PACRG: variants seen among roughly 807,000 people sequenced by gnomAD.
PACRG encodes parkin coregulated gene protein.
Under a neutral mutation model 29.7 loss-of-function variants are expected in PACRG, and 29 were observed. The ratio of observed to expected loss-of-function variants is 0.98; its 90% confidence interval spans 0.73 to 1.33. PACRG has a LOEUF of 1.33. Among genes scored for constraint, PACRG ranks in the 40% most tolerant of loss-of-function variants. PACRG has a pLI of 0.00. For synonymous variants in PACRG, 116 were observed against 118.7 expected (o/e 0.98, Z 0.15); for missense variants, 279 against 316.2 (o/e 0.88, Z 0.89).
At chr6:162,781,621 GC>G (rs1784097199) in intron 1 of PACRG, among the ~76,000 whole-genome samples, 2 of 151,630 alleles carry the variant, frequency 1.3e-5, no homozygotes, top group South Asian at 4.1e-4. Flanking sequence ...TAGCATAAAG[GC>G]CTGAAGGAAA....
intron 2 of PACRG, among the ~76,000 whole-genome samples, chr6:163,029,520 T>C (rs780224275): frequency 2.6e-5 from 4 of 152,174 alleles, no homozygotes; most frequent in Non-Finnish European, 5.9e-5. Flanking sequence ...GATAGTGTTG[T>C]GCTAAACAAA....
intron 2 of PACRG, among the ~76,000 whole-genome samples, chr6:163,022,040 C>T (rs1354470305): frequency 4.6e-5 from 7 of 152,176 alleles, no homozygotes; most frequent in Admixed American, 1.3e-4. Flanking sequence ...AGGCAGTCTC[C>T]GAAGCTGCCA....
intron 4 of PACRG, among the ~76,000 whole-genome samples, chr6:163,314,463 A>G (rs1466733520): frequency 7.2e-5 from 11 of 152,322 alleles, no homozygotes; most frequent in East Asian, 1.9e-4. Context: ...CTGATCTCAC[A>G]ATAGACTGTT....
chr6:162,736,763 T>C (rs549654285), intron 1 of PACRG, among the ~76,000 whole-genome samples: 143 of 152,112 alleles, frequency 9.4e-4, no homozygotes, highest in African/African-American at 3.3e-3. Context: ...ATAGAGTGTA[T>C]ATACCTACCT....
chr6:163,180,735 A>G (rs1779614419), intron 4 of PACRG, among the ~76,000 whole-genome samples: 1 of 152,190 alleles, frequency 6.6e-6, no homozygotes, highest in African/African-American at 2.4e-5. Context: ...TTGGTTCTTC[A>G]AACATGTAGA....
At chr6:163,072,586 T>C (rs1444757628) in intron 3 of PACRG, among the ~76,000 whole-genome samples, 2 of 152,066 alleles carry the variant, frequency 1.3e-5, no homozygotes, top group Admixed American at 6.5e-5. Context: ...TTATTCAACG[T>C]AGTACTGGAA....
intron 2 of PACRG, among the ~76,000 whole-genome samples, chr6:162,901,284 T>A (rs542086056): frequency 2.4e-4 from 37 of 152,322 alleles, no homozygotes; most frequent in Admixed American, 1.4e-3. Context: ...TTCAAAGATG[T>A]AATAGCCTTT....
chr6:162,775,325 C>T lies in PACRG; in HGVS notation c.157-38822C>T, dbSNP rs182424154. On this transcript the variant is annotated intron_variant, in intron 1 of 4. Coordinates refer to ENST00000366888, the MANE Select transcript of PACRG (RefSeq NM_001080379.2). ...TTATGACAGCCTAAACAGATTAAGA[C>T]CCTAATCAAGAGTCTACATTTGACC... 3.7e-4 allele frequency among the ~76,000 whole-genome samples: 57 copies of T among 152,286 alleles called. No individual in the cohort carries two copies. In the East Asian group the frequency reaches 9.1e-3, roughly 24 times the overall value.
chr6:163,149,948 C>T (rs765353944), intron 4 of PACRG, among the ~76,000 whole-genome samples: 3 of 152,244 alleles, frequency 2.0e-5, no homozygotes, highest in African/African-American at 7.2e-5. Flanking sequence ...ACTCCCCACT[C>T]TCCGTAGTTC....
chr6:163,077,864 T>C (rs1348288351), intron 3 of PACRG, among the ~76,000 whole-genome samples: 1 of 152,162 alleles, frequency 6.6e-6, no homozygotes, highest in Non-Finnish European at 1.5e-5. Flanking sequence ...GGCCTCGCCC[T>C]GTATGAACAG....
chr6:163,198,986 C>T (rs1186046147), intron 4 of PACRG, among the ~76,000 whole-genome samples: 1 of 152,164 alleles, frequency 6.6e-6, no homozygotes, highest in Non-Finnish European at 1.5e-5. Flanking sequence ...TGAAAGGTTA[C>T]ATTCTTCTGA....
In PACRG at chr6:163,058,886, C is replaced by T. The variant is rs181527130; in HGVS notation, c.292-3264C>T. On this transcript the variant is annotated intron_variant, in intron 2 of 4. Transcript: ENST00000366888. ...CTGCACTCCAGCCTGGGCGACAGAG[C>T]GAGACTCCGTCTCAAAAAACAAACA... Among the ~76,000 whole-genome samples the T allele has an allele frequency of 2.8e-4, 41 of 146,872 alleles. No individual in the cohort carries two copies. In the East Asian group the frequency reaches 3.8e-3, roughly 14 times the overall value.
At position 162,846,929 on chromosome 6, in the gene PACRG, G is replaced by A. The variant is rs143653983; in HGVS notation, c.291+32648G>A. Among the ~76,000 whole-genome samples the A allele has an allele frequency of 1.2e-3, 182 of 147,308 alleles. 5 individuals carry two copies. In the East Asian group the frequency reaches 0.033, roughly 27 times the overall value. On this transcript the variant is annotated intron_variant, in intron 2 of 4. Coordinates refer to ENST00000366888, the MANE Select transcript of PACRG (RefSeq NM_001080379.2). The stretch of plus-strand genomic sequence containing the variant: ...CACTGTCCACTGTGCTCCCCACATT[G>A]CTGTGCTCCCCACACTGACTGCCGT...
Position 163,257,927 on chromosome 6 carries a change from G to A in PACRG, c.614-56900G>A, listed in dbSNP as rs1038260287. On this transcript the variant is annotated intron_variant, in intron 4 of 4. Transcript: ENST00000366888. The stretch of plus-strand genomic sequence containing the variant: ...CTTATTTTAGATCTAGTACTTTATT[G>A]AATCATTTTATTAAATATTATTATT... 2.0e-5 allele frequency among the ~76,000 whole-genome samples: 3 copies of A among 152,000 alleles called. No homozygotes were observed. The East Asian group carries it at 5.8e-4, about 29-fold the overall frequency.
chr6:163,078,755 G>A (rs958721848), intron 3 of PACRG, among the ~76,000 whole-genome samples: 33 of 152,068 alleles, frequency 2.2e-4, no homozygotes, highest in Admixed American at 5.9e-4. Context: ...TAGCACTACC[G>A]CAGTGCCTCC....
At chr6:162,805,751 C>G (rs571554923) in intron 1 of PACRG, among the ~76,000 whole-genome samples, 1 of 152,272 alleles carries the variant, frequency 6.6e-6, no homozygotes, top group South Asian at 2.1e-4. Context: ...GATTCTGCCT[C>G]AAGAAACTAC....
At chr6:162,820,568 A>T (rs952694410) in intron 2 of PACRG, among the ~76,000 whole-genome samples, 15 of 152,202 alleles carry the variant, frequency 9.9e-5, no homozygotes, top group African/African-American at 3.6e-4. Context: ...CAGAATATTC[A>T]CAAGATTCCG....
rs1341951228 is a variant in PACRG, at chr6:163,159,458, G to A, written c.613+70050G>A. Among the ~76,000 whole-genome samples, 6 of 151,810 alleles carry A rather than the reference G, an allele frequency of 4.0e-5. No homozygotes were observed. The South Asian group carries it at 1.0e-3, about 26-fold the overall frequency. The stretch of plus-strand genomic sequence containing the variant: ...GAGTTATTCTACCCTTATTATAATT[G>A]CATTTATACAATTTTTAAAAACTGA... On this transcript the variant is annotated intron_variant, in intron 4 of 4. Coordinates refer to ENST00000366888, the MANE Select transcript of PACRG (RefSeq NM_001080379.2).
intron 2 of PACRG, among the ~76,000 whole-genome samples, chr6:162,943,159 A>T (rs1221413153): frequency 1.3e-5 from 2 of 152,166 alleles, no homozygotes; most frequent in African/African-American, 2.4e-5. Context: ...AGAGAAGCTC[A>T]TGCTGGCTCC....
Sources: gnomAD v4.1 joint callset for allele counts (sites outside exome capture counted in the v4.1 genomes callset) on GRCh38, gnomAD v4.1.1 for gene constraint, MANE v1.5 for transcripts, NCBI Gene and HGNC (gene_info 2026-07-23, HGNC 2026-07-21) for gene names.